Variants in CAST observed in about 807,000 individuals in gnomAD.
CAST encodes calpastatin.
In CAST, 76 loss-of-function variants were observed where a neutral mutation model predicts 119.6. The observed-to-expected ratio is 0.64, with a 90% CI of 0.53 to 0.77. CAST has a LOEUF of 0.77. Among genes scored for constraint, CAST ranks in the 30% least tolerant of loss-of-function variants. The probability of loss-of-function intolerance (pLI) is 0.00; values close to 1 mark genes in which losing one functional copy is unlikely to be tolerated. For synonymous variants in CAST, 319 were observed against 331.6 expected, an observed-to-expected ratio of 0.96 and a Z score of 0.41; for missense variants, 953 against 946.5, an observed-to-expected ratio of 1.01 and a Z score of -0.09.
At chr5:96,622,002 C>A (rs1307386125) in intron 1 of CAST, among the ~76,000 whole-genome samples, 8 of 124,916 alleles carry the variant, frequency 6.4e-5, no homozygotes, top group Admixed American at 9.4e-5. Context: ...TGGAGTCTCA[C>A]TCTGTTGCCC....
At chr5:96,433,365 G>A in the CAST span, 3 of 402,178 alleles carry the variant, frequency 7.5e-6, no homozygotes, top group Non-Finnish European at 1.4e-5. Flanking sequence ...TTCCCGGCGG[G>A]GCGGAGAAGC....
At chr5:96,403,036 G>T in the CAST span, among the ~76,000 whole-genome samples, 1 of 152,168 alleles carries the variant, frequency 6.6e-6, no homozygotes, top group Admixed American at 6.5e-5. Flanking sequence ...TCATCAGTAT[G>T]TGCAGGTGCA....
At chr5:96,126,697 T>C in the CAST span, among the ~76,000 whole-genome samples, 2 of 152,286 alleles carry the variant, frequency 1.3e-5, no homozygotes, top group South Asian at 2.1e-4. Context: ...TATAGTTATT[T>C]GTTTATCTCC....
At chr5:96,425,040 GAA>G in the CAST span, among the ~76,000 whole-genome samples, 1,536 of 140,310 alleles carry the variant, frequency 0.011, 58 homozygotes, top group African/African-American at 0.04. Context: ...AAGAAAGAAA[GAA>G]AGAAAGAAAG....
chr5:95,961,460 C>CGCTGACGGTAGCA, the CAST span: 16 of 1,258,978 alleles, frequency 1.3e-5, no homozygotes, highest in Non-Finnish European at 1.5e-5. Context: ...CCGCTGCGGG[C>CGCTGACGGTAGCA]GCTGACGGTA....
At chr5:96,094,779 T>C in the CAST span, among the ~76,000 whole-genome samples, 533 of 152,322 alleles carry the variant, frequency 3.5e-3, 2 homozygotes, top group African/African-American at 4.5e-3. Flanking sequence ...CTTGTTTACA[T>C]GTTTTATTTT....
the CAST span, among the ~76,000 whole-genome samples, chr5:95,981,743 C>T: frequency 1.3e-5 from 2 of 152,158 alleles, no homozygotes; most frequent in African/African-American, 4.8e-5. Context: ...GGCATGGTGG[C>T]ATGCGCCGGT....
At chr5:96,432,989 A>G in the CAST span, 16 of 1,614,210 alleles carry the variant, frequency 9.9e-6, no homozygotes, top group South Asian at 1.8e-4. Flanking sequence ...GTGCACACCA[A>G]GCGCAAAAGA....
At chr5:96,010,955 T>C in the CAST span, among the ~76,000 whole-genome samples, 1 of 152,230 alleles carries the variant, frequency 6.6e-6, no homozygotes, top group Non-Finnish European at 1.5e-5. Context: ...TGATTTTGTA[T>C]CCTGAAACTT....
chr5:95,998,965 CGTT>C, the CAST span, among the ~76,000 whole-genome samples: 5 of 152,058 alleles, frequency 3.3e-5, no homozygotes, highest in African/African-American at 4.8e-5. Flanking sequence ...GATGGTATCT[CGTT>C]GTGGTTTTAA....
At chr5:96,101,656 C>T in the CAST span, among the ~76,000 whole-genome samples, 13 of 152,154 alleles carry the variant, frequency 8.5e-5, no homozygotes, top group Admixed American at 2.6e-4. Context: ...TTTGACCCAC[C>T]GCACAGACAA....
chr5:96,459,981 G>A, the CAST span, among the ~76,000 whole-genome samples: 1 of 152,116 alleles, frequency 6.6e-6, no homozygotes, highest in Non-Finnish European at 1.5e-5. Flanking sequence ...TCAGTGAACA[G>A]CTTTGGTCTT....
chr5:96,559,369 A>G (rs931868598), intron 1 of CAST, among the ~76,000 whole-genome samples: 2 of 152,208 alleles, frequency 1.3e-5, no homozygotes, highest in Non-Finnish European at 1.5e-5. Flanking sequence ...GCAATCAGGC[A>G]GGAGAAGGAA....
intron 1 of CAST, among the ~76,000 whole-genome samples, chr5:96,598,037 C>A (rs1184854349): frequency 6.6e-6 from 1 of 152,206 alleles, no homozygotes; most frequent in Non-Finnish European, 1.5e-5. Context: ...TGACTCTACA[C>A]ACTCCCGAAG....
At chr5:96,493,004 CA>C in the CAST span, among the ~76,000 whole-genome samples, 2 of 151,888 alleles carry the variant, frequency 1.3e-5, no homozygotes, top group African/African-American at 4.8e-5. Flanking sequence ...TTTACAAAAA[CA>C]AACAAAAAAA....
At chr5:96,404,980 G>A in the CAST span, among the ~76,000 whole-genome samples, 1 of 152,160 alleles carries the variant, frequency 6.6e-6, no homozygotes, top group African/African-American at 2.4e-5. Flanking sequence ...AGTCTCCATA[G>A]TTGTTCCTGT....
At chr5:96,639,252 A>G (rs949343777) in intron 1 of CAST, among the ~76,000 whole-genome samples, 14 of 152,204 alleles carry the variant, frequency 9.2e-5, no homozygotes, top group African/African-American at 3.4e-4. Flanking sequence ...TCACAGCCAC[A>G]TGATCCTAGG....
the CAST span, among the ~76,000 whole-genome samples, chr5:96,424,979 T>C: frequency 1.5e-5 from 1 of 65,736 alleles, no homozygotes; most frequent in African/African-American, 6.1e-5. Context: ...AAAAGAAAGA[T>C]AGAAAGAAAG....
At chr5:96,409,764 C>T in the CAST span, among the ~76,000 whole-genome samples, 1 of 152,300 alleles carries the variant, frequency 6.6e-6, no homozygotes, top group African/African-American at 2.4e-5. Context: ...CATAAAACCC[C>T]TCGGTAGAAT....
Sources: gnomAD v4.1 joint callset for allele counts (sites outside exome capture counted in the v4.1 genomes callset) on GRCh38, gnomAD v4.1.1 for gene constraint, MANE v1.5 for transcripts, NCBI Gene and HGNC (gene_info 2026-07-23, HGNC 2026-07-21) for gene names.